Variants in ZFYVE16 observed in about 807,000 individuals in gnomAD.
The protein encoded by ZFYVE16 is zinc finger FYVE-type containing 16, also known as zinc finger FYVE domain-containing protein 16.
ZFYVE16 carries 89 observed loss-of-function variants against 138.1 expected under a neutral mutation model. The ratio of observed to expected loss-of-function variants is 0.64; its 90% CI spans 0.54 to 0.77. The LOEUF is 0.77. ZFYVE16 is among the 30% of genes least tolerant of loss of function. The pLI is 0.00. For synonymous variants in ZFYVE16, 596 were observed against 618.3 expected, an observed-to-expected ratio of 0.96 and a Z score of 0.53; for missense variants, 1,793 against 1,786.7, an observed-to-expected ratio of 1.00 and a Z score of -0.06.
intron 2 of ZFYVE16, among the ~76,000 whole-genome samples, chr5:80,429,856 T>C (rs1748728685): frequency 6.6e-6 from 1 of 151,622 alleles, no homozygotes; most frequent in Admixed American, 6.6e-5. Flanking sequence ...CATTACAGAC[T>C]GGTAAAGGGA....
At chr5:80,444,029 C>T (rs755513276) in intron 6 of ZFYVE16, 1 of 320,510 alleles carries the variant, frequency 3.1e-6, no homozygotes, top group East Asian at 7.8e-5. Flanking sequence ...GTTGTCTGTT[C>T]TTTTTTACAA....
chr5:80,476,333 A>G (rs1754907830), intron 18 of ZFYVE16, among the ~76,000 whole-genome samples: 1 of 152,062 alleles, frequency 6.6e-6, no homozygotes, highest in Non-Finnish European at 1.5e-5. Context: ...TAATATTATT[A>G]TTACTTGTTA....
rs192581962 is a variant in ZFYVE16, at chr5:80,474,906, T to G, written c.4461+76T>G. On this transcript the variant is annotated intron_variant, in intron 18 of 18. Transcript: ENST00000505560. ...ACAAGTTTTTCTTCAACCTTTTATTTTGGGATGAAAGGGAACGAAAATTTG... is the reference window on the plus strand; with the variant it reads ...ACAAGTTTTTCTTCAACCTTTTATTGTGGGATGAAAGGGAACGAAAATTTG... 1.4e-5 allele frequency: 21 copies of G among 1,494,782 alleles called. No individual in the cohort carries two copies. The African/African-American group carries it at 2.9e-4, about 21-fold the overall frequency. 92.6% of individuals were successfully genotyped at this position (1,494,782 alleles called of 1,614,324 possible). A position where few individuals can be genotyped will look rare whatever the true frequency, so the allele number is the denominator to read the frequency against.
chr5:80,470,015 A>G (rs1754148509), intron 15 of ZFYVE16, among the ~76,000 whole-genome samples: 1 of 150,868 alleles, frequency 6.6e-6, no homozygotes, highest in Admixed American at 6.6e-5. Context: ...ATATACATAC[A>G]TATATACATA....
In ZFYVE16 at chr5:80,449,213, A is replaced by G. The variant is rs998167633; in HGVS notation, c.3104-378A>G. Among the ~76,000 whole-genome samples, 5 of 152,210 alleles carry G rather than the reference A, an allele frequency of 3.3e-5. No individual in the cohort carries two copies. In the East Asian group the frequency reaches 9.6e-4, roughly 29 times the overall value. ...AGGCATGTGGTAACAAGCAGCATAT[A>G]TAACGTGGCTCTAGACTACTTTCAT... On this transcript the variant is annotated intron_variant, in intron 8 of 18. Coordinates refer to ENST00000505560, the MANE Select transcript of ZFYVE16 (RefSeq NM_001284236.3).
At chr5:80,444,809 C>G (rs1201836514) in intron 6 of ZFYVE16, among the ~76,000 whole-genome samples, 3 of 151,590 alleles carry the variant, frequency 2.0e-5, no homozygotes, top group Non-Finnish European at 4.4e-5. Context: ...ATGCTTCAGT[C>G]TACTGCACTT....
In ZFYVE16 at chr5:80,437,140, A is replaced by G. The variant is rs1295921108; in HGVS notation, c.455A>G (p.Asp152Gly). ...GAAGATATTAAAAAATTATTGCCAG[A>G]TGATTTTAAGTCTAATGCAGATTCC... ...SEEDIKKLLP[D>G]DFKSNADSLI... The change falls in exon 4 of 19, where the codon GAT (aspartate) becomes GGT (glycine). Residue 152 changes from aspartate (D) to glycine (G), a missense_variant. Physicochemically the swap from Asp to Gly is moderately conservative, Grantham distance 94 (BLOSUM62 -1). Transcript: ENST00000505560. 7 of 1,613,858 alleles carry G rather than the reference A, an allele frequency of 4.3e-6. No individual in the cohort carries two copies. Among genetic ancestry groups the G allele is most frequent in the Admixed American group, 1.7e-5 (1 of 59,984 alleles).
intron 1 of ZFYVE16, among the ~76,000 whole-genome samples, chr5:80,408,482 G>C (rs1022429065): frequency 6.6e-6 from 1 of 150,402 alleles, no homozygotes; most frequent in Admixed American, 6.6e-5. Flanking sequence ...CCAGCGGACG[G>C]AGGGAGAAGC....
chr5:80,465,155 C>T (rs1000065772), intron 15 of ZFYVE16, among the ~76,000 whole-genome samples: 1 of 152,080 alleles, frequency 6.6e-6, no homozygotes, highest in Non-Finnish European at 1.5e-5. Flanking sequence ...ATTCAAGTTA[C>T]AGTCTAGCAT....
intron 1 of ZFYVE16, among the ~76,000 whole-genome samples, chr5:80,411,237 C>T (rs1459757608): frequency 6.6e-6 from 1 of 151,306 alleles, no homozygotes; most frequent in Non-Finnish European, 1.5e-5. Context: ...CCACCTCAGC[C>T]TCCCAAAGTG....
At chr5:80,466,133 C>T (rs1345641913) in intron 15 of ZFYVE16, among the ~76,000 whole-genome samples, 3 of 152,028 alleles carry the variant, frequency 2.0e-5, no homozygotes, top group African/African-American at 4.8e-5. Flanking sequence ...ACCATGTTGG[C>T]CAGGCTGGTC....
intron 11 of ZFYVE16, chr5:80,454,038 A>G (rs1752255645): frequency 6.6e-6 from 1 of 152,312 alleles, no homozygotes; most frequent in South Asian, 2.1e-4. Context: ...CTAGCAGTTA[A>G]TCATTTCCTT....
At chr5:80,445,117 C>T in intron 6 of ZFYVE16, 146 bp from the exon 7 acceptor site, 1 of 789,740 alleles carries the variant, frequency 1.3e-6, no homozygotes, top group Non-Finnish European at 1.9e-6. Context: ...CACAAAAGGC[C>T]ATTTCTCTAG....
In ZFYVE16 at chr5:80,456,883, G is replaced by A. The variant is rs535938098; in HGVS notation, c.3796-62G>A. On this transcript the variant is annotated intron_variant, in intron 13 of 18. Transcript: ENST00000505560. ...AAGCTGGCCAGAAACGTGGCTCTTA[G>A]AATAGGCATATAATATTAAAAGTGT... is the stretch of plus-strand genomic sequence containing the variant. The A allele has an allele frequency of 6.0e-6, 9 of 1,510,444 alleles. No homozygotes were observed. In the East Asian group the frequency reaches 2.1e-4, roughly 36 times the overall value. The allele number at this position is 1,510,444 out of a possible 1,614,324, so 93.6% of individuals were successfully genotyped here.
chr5:80,430,803 A>AT (rs1748890157), intron 2 of ZFYVE16, among the ~76,000 whole-genome samples: 1 of 152,248 alleles, frequency 6.6e-6, no homozygotes, highest in Admixed American at 6.5e-5. Flanking sequence ...AGAGAATACT[A>AT]TAAACACCTC....
intron 11 of ZFYVE16, chr5:80,455,489 G>GCAC: frequency 2.0e-6 from 1 of 499,636 alleles, no homozygotes; most frequent in Non-Finnish European, 3.5e-6. Context: ...AGTCGAGATT[G>GCAC]CACCGCTGCA....
intron 1 of ZFYVE16, among the ~76,000 whole-genome samples, chr5:80,412,005 C>A (rs1745525827): frequency 6.6e-6 from 1 of 152,142 alleles, no homozygotes; most frequent in Admixed American, 6.6e-5. Context: ...GTTGTCCAGG[C>A]TGGTCTCAAA....
intron 6 of ZFYVE16, 58 bp downstream of exon 6, chr5:80,443,342 T>A: frequency 6.4e-7 from 1 of 1,552,018 alleles, no homozygotes; most frequent in Admixed American, 2.1e-5. Context: ...AGAAATTCTC[T>A]AATGTAGCCA....
At chr5:80,455,344 G>C (rs1247311952) in intron 11 of ZFYVE16, 3 of 243,604 alleles carry the variant, frequency 1.2e-5, no homozygotes, top group Non-Finnish European at 2.4e-5. Context: ...GATCAGCCTG[G>C]TCAACATGGT....
Sources: gnomAD v4.1 joint callset for allele counts (sites outside exome capture counted in the v4.1 genomes callset) on GRCh38, gnomAD v4.1.1 for gene constraint, MANE v1.5 for transcripts, NCBI Gene and HGNC (gene_info 2026-07-23, HGNC 2026-07-21) for gene names.